NEDD9: variants seen among roughly 807,000 people sequenced by gnomAD.
The protein encoded by NEDD9 is enhancer of filamentation 1.
NEDD9 carries 26 observed loss-of-function variants against 76.6 expected under a neutral mutation model. That is an observed-to-expected ratio of 0.34 (90% CI 0.25 to 0.47). The LOEUF (loss-of-function observed/expected upper bound fraction) is 0.47. Among genes scored for constraint, NEDD9 ranks in the 20% least tolerant of loss-of-function variants. NEDD9 has a pLI of 1.00. For missense variants in NEDD9, 937 were observed against 1,058.5 expected (o/e 0.89, Z 1.59); for synonymous variants, 392 against 414.2 (o/e 0.95, Z 0.65).
chr6:11,315,524 G>A (rs968213912), intron 2 of NEDD9, among the ~76,000 whole-genome samples: 2 of 152,238 alleles, frequency 1.3e-5, no homozygotes, highest in Non-Finnish European at 2.9e-5. Flanking sequence ...AGAAGAATTT[G>A]TTGGGGATTT....
chr6:11,315,564 T>A (rs1761527158), intron 2 of NEDD9, among the ~76,000 whole-genome samples: 2 of 152,362 alleles, frequency 1.3e-5, no homozygotes, highest in South Asian at 2.1e-4. Flanking sequence ...CATACTTGAA[T>A]TTGGCTGAAC....
In NEDD9 at chr6:11,301,778, C is replaced by T. The variant is rs560843953; in HGVS notation, c.12+4214G>A. Among the ~76,000 whole-genome samples the T allele has an allele frequency of 4.6e-5, 7 of 152,082 alleles. No individual in the cohort carries two copies. The East Asian group carries it at 9.6e-4, about 21-fold the overall frequency. ...TCCTGAATGACTACTGGGTAAGTAA[C>T]GAAATGAAGGCAGAAATAAAGATGT... On this transcript the variant is annotated intron_variant, in intron 3 of 3. Coordinates refer to the NEDD9 transcript ENST00000397378.
At chr6:11,236,494 T>G (rs2113280649), upstream of NEDD9, among the ~76,000 whole-genome samples, 1 of 152,322 alleles carries the variant, frequency 6.6e-6, no homozygotes, top group East Asian at 1.9e-4. The surrounding 1 kb of genome is among the most constrained non-coding windows in gnomAD (Gnocchi z 5.5). Flanking sequence ...GTGACTGCTC[T>G]CTAAGAGTGA....
intron 3 of NEDD9, among the ~76,000 whole-genome samples, chr6:11,242,678 C>T (rs947055844): frequency 6.3e-4 from 96 of 152,246 alleles, no homozygotes; most frequent in African/African-American, 2.2e-3. Context: ...ACTCAGCTCC[C>T]TAACCATCCC....
intron 3 of NEDD9, among the ~76,000 whole-genome samples, chr6:11,291,279 T>G (rs1017089384): frequency 4.2e-5 from 6 of 141,958 alleles, no homozygotes; most frequent in East Asian, 2.0e-4. Context: ...TTTTTTTTTT[T>G]TTTTTTTTTT....
intron 2 of NEDD9, among the ~76,000 whole-genome samples, chr6:11,312,220 A>T (rs1761392702): frequency 6.6e-6 from 1 of 151,782 alleles, no homozygotes; most frequent in East Asian, 1.9e-4. Flanking sequence ...GACACACCCC[A>T]TCTGTTAATC....
chr6:11,363,679 C>T (rs1389357540), intron 1 of NEDD9, among the ~76,000 whole-genome samples: 3 of 152,136 alleles, frequency 2.0e-5, no homozygotes, highest in Non-Finnish European at 4.4e-5. Context: ...TCCCCAGTTA[C>T]GGTTTGAAGA....
chr6:11,186,387 T>C (rs1757982099), intron 6 of NEDD9, among the ~76,000 whole-genome samples: 1 of 152,178 alleles, frequency 6.6e-6, no homozygotes, highest in South Asian at 2.1e-4. Context: ...CTGGCTTTCT[T>C]CCTTCTTTCC....
In NEDD9 at chr6:11,337,017, G is replaced by A. The variant is rs147639532; in HGVS notation, c.-213-2456C>T. Among the ~76,000 whole-genome samples, 16 of 152,198 alleles carry A rather than the reference G, an allele frequency of 1.1e-4. No individual in the cohort carries two copies. In the East Asian group the frequency reaches 2.1e-3, roughly 20 times the overall value. On this transcript the variant is annotated intron_variant, in intron 1 of 3. Coordinates refer to the NEDD9 transcript ENST00000397378. Reference sequence around the variant, plus strand: ...AGGCGGATCATGAGGTCAGGAGTACGAGACCAGCATGGCCAATAGTTGAAA... The same window carrying A: ...AGGCGGATCATGAGGTCAGGAGTACAAGACCAGCATGGCCAATAGTTGAAA...
chr6:11,357,041 T>C (rs1400600215), intron 1 of NEDD9, among the ~76,000 whole-genome samples: 2 of 152,196 alleles, frequency 1.3e-5, no homozygotes, highest in Non-Finnish European at 2.9e-5. Context: ...CACTGGGGTC[T>C]CGTTGAGCCA....
At chr6:11,236,788 A>G (rs1421786541), upstream of NEDD9, among the ~76,000 whole-genome samples, 5 of 152,216 alleles carry the variant, frequency 3.3e-5, no homozygotes, top group African/African-American at 1.2e-4. The surrounding 1 kb of genome is among the most constrained non-coding windows in gnomAD (Gnocchi z 5.5). Context: ...CCTGGAATAC[A>G]GAGTCGATCA....
At position 11,185,579 on chromosome 6, in the gene NEDD9, T is replaced by C. The variant is rs2113706972; in HGVS notation, c.2088A>G (p.Thr696=). The C allele has an allele frequency of 6.2e-7, 1 of 1,614,164 alleles. No individual in the cohort carries two copies. Among genetic ancestry groups the C allele is most frequent in the East Asian group, 2.2e-5 (1 of 44,894 alleles). The part of the protein sequence containing the change: ...KWKPSQSLPT[T]NSGVSAQDRQ... Reference sequence around the variant, plus strand: ...GATCCTGAGCACTCACGCCACTGTTTGTGGTGGGTAGGCTCTGAGAGGGCT... The same window carrying C: ...GATCCTGAGCACTCACGCCACTGTTCGTGGTGGGTAGGCTCTGAGAGGGCT... Residue 696 remains threonine, a synonymous_variant, in exon 7 of 7, where the codon ACA becomes ACG. Coordinates refer to ENST00000379446, the MANE Select transcript of NEDD9 (RefSeq NM_006403.4).
chr6:11,258,669 G>A (rs1328318411), intron 3 of NEDD9: 1 of 152,158 alleles, frequency 6.6e-6, no homozygotes, highest in Non-Finnish European at 1.5e-5. Flanking sequence ...CTTCAAGTGA[G>A]TGTGAAGCTG....
intron 1 of NEDD9, among the ~76,000 whole-genome samples, chr6:11,376,079 C>T (rs1467787594): frequency 6.6e-6 from 1 of 152,236 alleles, no homozygotes; most frequent in Admixed American, 6.5e-5. Context: ...CCGTCTCGGC[C>T]TCCCAAAGTG....
intron 1 of NEDD9, among the ~76,000 whole-genome samples, chr6:11,373,921 G>A (rs963875725): frequency 1.3e-5 from 2 of 152,212 alleles, no homozygotes; most frequent in Admixed American, 6.5e-5. Flanking sequence ...AATTCAGCTA[G>A]CAGAGTGCCT....
chr6:11,326,254 T>C (rs188516634), intron 2 of NEDD9, among the ~76,000 whole-genome samples: 1 of 152,196 alleles, frequency 6.6e-6, no homozygotes, highest in Non-Finnish European at 1.5e-5. Context: ...TTAGCTCTGC[T>C]GTGAGTTCAA....
rs149786316 is a variant in NEDD9, at chr6:11,316,729, C to T, written c.-152-10574G>A. Among the ~76,000 whole-genome samples the T allele has an allele frequency of 4.2e-3, 640 of 152,200 alleles. 6 individuals carry two copies. The highest frequency in any genetic ancestry group is 0.014 in the African/African-American group (590 of 41,522). ...CCAGTTGAGAATTATAAGGAAGGTT[C>T]GGATTAAGCTGGAGACAGGGACAGT... On this transcript the variant is annotated intron_variant, in intron 2 of 3. Transcript: ENST00000397378.
At chr6:11,286,312 A>G (rs1316879547) in intron 3 of NEDD9, among the ~76,000 whole-genome samples, 1 of 152,222 alleles carries the variant, frequency 6.6e-6, no homozygotes, top group African/African-American at 2.4e-5. Context: ...TACCTATTAG[A>G]ATAGCAAGAA....
Position 11,232,378 on chromosome 6 carries a change from C to G in NEDD9, c.12+126G>C, listed in dbSNP as rs924483518. 4.1e-6 allele frequency: 5 copies of G among 1,206,386 alleles called. No homozygotes were observed. In the African/African-American group the frequency reaches 4.5e-5, roughly 11 times the overall value. The allele number at this position is 1,206,386 out of a possible 1,614,324, so 74.7% of individuals were successfully genotyped here. A position where few individuals can be genotyped will look rare whatever the true frequency, so the allele number is the denominator to read the frequency against. The stretch of plus-strand genomic sequence containing the variant: ...CTGCTTGCATGTCAACCTCAGTGAC[C>G]GAGACTCATCTTAGAACTCTCCGGG... On this transcript the variant is annotated intron_variant, in intron 1 of 6. Coordinates refer to ENST00000379446, the MANE Select transcript of NEDD9 (RefSeq NM_006403.4).
Sources: allele counts gnomAD v4.1 joint callset (sites outside exome capture counted in the v4.1 genomes callset), GRCh38; gene constraint gnomAD v4.1.1; non-coding constraint Gnocchi (gnomAD v3.1); transcripts MANE v1.5; gene names NCBI Gene and HGNC (gene_info 2026-07-23, HGNC 2026-07-21).